Variants in PRRC2B observed in about 807,000 individuals in gnomAD.
PRRC2B encodes proline rich coiled-coil 2B, also known as protein PRRC2B.
In PRRC2B, 68 loss-of-function variants were observed where a neutral mutation model predicts 242.3. The observed-to-expected ratio is 0.28, with a 90% CI of 0.23 to 0.34. The LOEUF (loss-of-function observed/expected upper bound fraction) is 0.34. PRRC2B is among the 10% of genes least tolerant of loss of function. The probability of loss-of-function intolerance (pLI) is 1.00; values close to 1 mark genes in which losing one functional copy is unlikely to be tolerated. For missense variants in PRRC2B, 2,835 were observed against 2,954.8 expected (o/e 0.96, Z 0.94); for synonymous variants, 1,228 against 1,173.6 (o/e 1.05, Z -0.95).
Position 131,476,096 on chromosome 9 carries a change from C to T in PRRC2B, c.3967C>T (p.Leu1323=), listed in dbSNP as rs749086227. 23 of 1,609,716 alleles carry T rather than the reference C, an allele frequency of 1.4e-5. No individual in the cohort carries two copies. The highest frequency in any genetic ancestry group is 8.3e-5 in the Admixed American group (5 of 59,894). Residue 1323 remains leucine, a synonymous_variant, in exon 16 of 32, where the codon CTG becomes TTG. Coordinates refer to ENST00000683519, the MANE Select transcript of PRRC2B (RefSeq NM_013318.4). ...FRRLRQERES[L]GLWGPEEEPH... ...GCGCCTCCGGCAAGAGCGGGAGTCC[C>T]TGGGCCTGTGGGGACCCGAGGAGGA...
At chr9:131,401,174 A>G (rs1458029078) in intron 1 of PRRC2B, among the ~76,000 whole-genome samples, 1 of 151,924 alleles carries the variant, frequency 6.6e-6, no homozygotes, top group Non-Finnish European at 1.5e-5. Context: ...TTGAATTTTA[A>G]AAATTGTGGT....
chr9:131,402,719 A>G (rs2131285576), intron 1 of PRRC2B, among the ~76,000 whole-genome samples: 1 of 152,236 alleles, frequency 6.6e-6, no homozygotes, highest in East Asian at 1.9e-4. Context: ...AATGTAGCTG[A>G]CTCGAAATAA....
chr9:131,451,197 AG>A (rs1197024886), intron 9 of PRRC2B, among the ~76,000 whole-genome samples: 8 of 152,096 alleles, frequency 5.3e-5, no homozygotes, highest in Non-Finnish European at 1.2e-4. Flanking sequence ...CAGGAGATTG[AG>A]ACCATCCTGG....
At chr9:131,414,291 TAAAAC>T (rs138510187) in intron 1 of PRRC2B, among the ~76,000 whole-genome samples, 67 of 150,104 alleles carry the variant, frequency 4.5e-4, no homozygotes, top group Non-Finnish European at 6.8e-4. Context: ...ACATGAAAGA[TAAAAC>T]AATAAAGCCT....
chr9:131,416,996 A>G (rs78349703), intron 1 of PRRC2B, among the ~76,000 whole-genome samples: 6,087 of 151,642 alleles, frequency 0.04, 376 homozygotes, highest in African/African-American at 0.13. Flanking sequence ...TATTTTGTCT[A>G]TTTATTTGGT....
rs2131482859 is a variant in PRRC2B, at chr9:131,491,037, G to A, written c.6226-388G>A. ...GGCCCATGTTGGACAGGGCCCTGCC[G>A]CTTCCTTGGCACCTTGTATGCTTTC... On this transcript the variant is annotated intron_variant, in intron 28 of 31. Transcript: ENST00000683519. The A allele has an allele frequency of 1.3e-5, 3 of 230,936 alleles. No individual in the cohort carries two copies. In the South Asian group the frequency reaches 1.9e-4, roughly 15 times the overall value. The allele number at this position is 230,936 out of a possible 1,614,324, so 14.3% of individuals were successfully genotyped here.
intron 17 of PRRC2B, among the ~76,000 whole-genome samples, 177 bp downstream of exon 17, chr9:131,478,126 C>T (rs4587373): frequency 0.077 from 11,749 of 152,192 alleles, 608 homozygotes; most frequent in Non-Finnish European, 0.11. Flanking sequence ...GGATTCCCAC[C>T]GAGTGTTGCT....
chr9:131,490,345 T>G, intron 28 of PRRC2B: 1 of 475,484 alleles, frequency 2.1e-6, no homozygotes, highest in Non-Finnish European at 4.2e-6. Flanking sequence ...CTGTAGGGAC[T>G]CCTACCTGGC....
intron 1 of PRRC2B, among the ~76,000 whole-genome samples, chr9:131,417,610 G>A (rs1837694451): frequency 1.3e-5 from 2 of 152,214 alleles, no homozygotes; most frequent in Admixed American, 6.5e-5. Context: ...TCATACTTTT[G>A]CCCCCTCCTT....
intron 4 of PRRC2B, among the ~76,000 whole-genome samples, chr9:131,438,491 G>A (rs934915646): frequency 1.3e-5 from 2 of 152,116 alleles, no homozygotes; most frequent in Non-Finnish European, 2.9e-5. Flanking sequence ...GTAGAGTCAC[G>A]GTCACTACAG....
Position 131,474,931 on chromosome 9 carries a change from C to T in PRRC2B, c.2802C>T (p.Gly934=), listed in dbSNP as rs778962456. Residue 934 remains glycine, a synonymous_variant, in exon 16 of 32, where the codon GGC becomes GGT. Transcript: ENST00000683519. ...GCAGCCAGCACCCGGAGCAGACGGGCAGGACCCGGAGGTCGGGACCCATCA... is the reference window on the plus strand; with the variant it reads ...GCAGCCAGCACCCGGAGCAGACGGGTAGGACCCGGAGGTCGGGACCCATCA... ...SSSSQHPEQT[G]RTRRSGPIKK... The T allele has an allele frequency of 6.3e-7, 1 of 1,594,954 alleles. No individual in the cohort carries two copies. The highest frequency in any genetic ancestry group is 8.5e-7 in the Non-Finnish European group (1 of 1,171,212).
At chr9:131,394,994 C>G (rs1837005959) in intron 1 of PRRC2B, among the ~76,000 whole-genome samples, 1 of 151,258 alleles carries the variant, frequency 6.6e-6, no homozygotes, top group South Asian at 2.1e-4. Flanking sequence ...TGCCTCCCCT[C>G]AACCCCCAGG....
chr9:131,471,054 G>A (rs1420355990), intron 14 of PRRC2B, 71 bp downstream of exon 14: 6 of 1,090,852 alleles, frequency 5.5e-6, no homozygotes, highest in African/African-American at 3.3e-5. Flanking sequence ...GTGTCCTCTC[G>A]AGTTAAACAG....
At chr9:131,430,597 A>ATGTG (rs1564281640) in intron 2 of PRRC2B, among the ~76,000 whole-genome samples, 1 of 121,832 alleles carries the variant, frequency 8.2e-6, no homozygotes, top group Non-Finnish European at 1.7e-5. Context: ...GTGTGTGTGT[A>ATGTG]TATATATGTT....
chr9:131,418,406 C>T (rs1837714604), intron 1 of PRRC2B, among the ~76,000 whole-genome samples: 1 of 152,148 alleles, frequency 6.6e-6, no homozygotes, highest in Non-Finnish European at 1.5e-5. Flanking sequence ...TTAGATTCAG[C>T]GTTGGTTATT....
chr9:131,479,451 T>G, intron 19 of PRRC2B, 58 bp downstream of exon 19: 7 of 1,556,156 alleles, frequency 4.5e-6, no homozygotes, highest in Non-Finnish European at 6.1e-6. Flanking sequence ...ACACACTGGG[T>G]TTGCTTCTGG....
In PRRC2B at chr9:131,474,803, C is replaced by G; in HGVS notation, c.2674C>G (p.Arg892Gly). ...TAHGVERETP[R>G]EGTAFNISSW... ...CCATGGTGTTGAGCGGGAGACACCC[C>G]GGGAGGGGACGGCCTTTAACATCTC... is the stretch of plus-strand genomic sequence containing the variant. Residue 892 changes from arginine (R) to glycine (G), a missense_variant, in exon 16 of 32, where the codon CGG becomes GGG. This residue lies in a region of PRRC2B where 1,536 missense variants were observed against 1,483.1 expected (regional missense o/e 1.04). Transcript: ENST00000683519. The G allele has an allele frequency of 6.2e-7, 1 of 1,612,352 alleles. No homozygotes were observed. The highest frequency in any genetic ancestry group is 8.5e-7 in the Non-Finnish European group (1 of 1,179,678).
intron 4 of PRRC2B, among the ~76,000 whole-genome samples, chr9:131,438,505 G>A (rs1838448993): frequency 6.6e-6 from 1 of 152,196 alleles, no homozygotes; most frequent in Non-Finnish European, 1.5e-5. Flanking sequence ...ACTACAGAAA[G>A]TGCTGCAGCC....
In PRRC2B at chr9:131,420,497, T is replaced by TTCGTTCGTTCGTTC. The variant is rs1837801461; in HGVS notation, c.-51-9596_-51-9595insCGTTCGTTCGTTCT. On this transcript the variant is annotated intron_variant, in intron 1 of 31. Coordinates refer to ENST00000683519, the MANE Select transcript of PRRC2B (RefSeq NM_013318.4). The stretch of plus-strand genomic sequence containing the variant: ...TCTTTCTTTCTTTCTTTCTTTCTTT[T>TTCGTTCGTTCGTTC]TTTTTTTTTTTTTGAGATGGAGGCT... Among the ~76,000 whole-genome samples the TTCGTTCGTTCGTTC allele has an allele frequency of 8.5e-4, 14 of 16,466 alleles. 1 individual carries two copies. Among genetic ancestry groups the TTCGTTCGTTCGTTC allele is most frequent in the African/African-American group, 1.7e-3 (12 of 7,090 alleles). 10.8% of individuals were successfully genotyped at this position (16,466 alleles called of 152,430 possible).
Sources: allele counts gnomAD v4.1 joint callset (sites outside exome capture counted in the v4.1 genomes callset), GRCh38; gene constraint gnomAD v4.1.1; regional missense constraint gnomAD v4.1.1; transcripts MANE v1.5; gene names NCBI Gene and HGNC (gene_info 2026-07-23, HGNC 2026-07-21).